The following NEDD4 variants were observed in gnomAD, a reference collection of about 807,000 sequenced individuals.
NEDD4 encodes the protein E3 ubiquitin-protein ligase NEDD4.
NEDD4 carries 99 observed loss-of-function variants against 144.9 expected under a neutral mutation model. That is an observed-to-expected ratio of 0.68 (90% CI 0.58 to 0.81). The LOEUF is 0.81. NEDD4 is among the 30% of genes least tolerant of loss of function. The probability of loss-of-function intolerance (pLI) is 0.00; values close to 1 mark genes in which losing one functional copy is unlikely to be tolerated. For missense variants in NEDD4, 985 were observed against 1,065.9 expected (o/e 0.92, Z 1.06); for synonymous variants, 318 against 350.6 (o/e 0.91, Z 1.04).
chr15:55,938,335 ACTGT>A (rs2036931740), intron 4 of NEDD4, among the ~76,000 whole-genome samples: 1 of 152,082 alleles, frequency 6.6e-6, no homozygotes, highest in Admixed American at 6.6e-5. Context: ...TTCCAGTGAG[ACTGT>A]CTGAAAACAA....
intron 1 of NEDD4, among the ~76,000 whole-genome samples, chr15:55,979,071 A>G (rs2037753540): frequency 6.6e-6 from 1 of 151,390 alleles, no homozygotes; most frequent in South Asian, 2.1e-4. Flanking sequence ...TTTTAAAAAT[A>G]TATATATATA....
In NEDD4 at chr15:55,907,535, A is replaced by C. The variant is rs564720052; in HGVS notation, c.291+17111T>G. ...TTCACATCCAGGAAGAATATTTGCCACTTATGGCAGGCACATATTCTATTT... is the reference window on the plus strand; with the variant it reads ...TTCACATCCAGGAAGAATATTTGCCCCTTATGGCAGGCACATATTCTATTT... On this transcript the variant is annotated intron_variant, in intron 5 of 28. Coordinates refer to ENST00000435532, the MANE Select transcript of NEDD4 (RefSeq NM_006154.4). Among the ~76,000 whole-genome samples, 4 of 152,346 alleles carry C rather than the reference A, an allele frequency of 2.6e-5. No homozygotes were observed. In the South Asian group the frequency reaches 8.3e-4, roughly 32 times the overall value.
At chr15:55,956,487 T>C (rs1420836306) in intron 2 of NEDD4, among the ~76,000 whole-genome samples, 1 of 152,216 alleles carries the variant, frequency 6.6e-6, no homozygotes, top group East Asian at 1.9e-4. Context: ...CAAGATTCAT[T>C]TCATTCTATA....
chr15:55,829,691 G>T lies in NEDD4; in HGVS notation c.*206C>A. 1 of 466,940 alleles carries T rather than the reference G, an allele frequency of 2.1e-6. No homozygotes were observed. Among genetic ancestry groups the T allele is most frequent in the East Asian group, 3.8e-5 (1 of 26,354 alleles). The allele number at this position is 466,940 out of a possible 1,614,324, so 28.9% of individuals were successfully genotyped here. On this transcript the variant is annotated 3_prime_UTR_variant, in exon 29 of 29. Transcript: ENST00000435532. ...AGGCACCTAACTCTAAAGACAGCAT[G>T]AAACAACTGTGTAAATGCAACACAT... is the stretch of plus-strand genomic sequence containing the variant.
At chr15:55,885,085 A>G (rs1174439367) in intron 5 of NEDD4, among the ~76,000 whole-genome samples, 3 of 152,228 alleles carry the variant, frequency 2.0e-5, no homozygotes, top group African/African-American at 7.2e-5. Flanking sequence ...ATGGAATTCC[A>G]GTACATCAGG....
At chr15:55,983,124 TA>T (rs1229441178) in intron 1 of NEDD4, among the ~76,000 whole-genome samples, 15 of 147,314 alleles carry the variant, frequency 1.0e-4, no homozygotes, top group South Asian at 2.1e-4. Flanking sequence ...CTCCATCTCT[TA>T]AAAAAAAAAA....
rs183358444 is a variant in NEDD4, at chr15:55,883,260, A to G, written c.292-9252T>C. 2.0e-5 allele frequency among the ~76,000 whole-genome samples: 3 copies of G among 152,290 alleles called. No individual in the cohort carries two copies. The East Asian group carries it at 5.8e-4, about 29-fold the overall frequency. On this transcript the variant is annotated intron_variant, in intron 5 of 28. Transcript: ENST00000435532. ...TGGTGGTAGTCTGGCAGTACTCCCC[A>G]TAGCCCTGTGGCAGGAGTGGCCACG...
chr15:55,977,516 T>G (rs1186588963), intron 1 of NEDD4, among the ~76,000 whole-genome samples: 2 of 151,880 alleles, frequency 1.3e-5, no homozygotes, highest in African/African-American at 4.8e-5. Flanking sequence ...ATTCTAAAAA[T>G]CCATATGGTA....
In NEDD4 at chr15:55,841,812, C is replaced by T. The variant is rs899884104; in HGVS notation, c.1838+122G>A. The T allele has an allele frequency of 2.0e-5, 15 of 734,330 alleles. 1 individual carries two copies. In the Admixed American group the frequency reaches 2.3e-4, roughly 11 times the overall value. 45.5% of individuals were successfully genotyped at this position (734,330 alleles called of 1,614,324 possible). ...GGTCTCGATATCCTGACCTTGTGATCCGCCCGCCTCGGCCTCCCAAAGTGC... is the reference window on the plus strand; with the variant it reads ...GGTCTCGATATCCTGACCTTGTGATTCGCCCGCCTCGGCCTCCCAAAGTGC... On this transcript the variant is annotated intron_variant, in intron 19 of 28. Transcript: ENST00000435532.
chr15:55,959,924 A>ATAATTATGTT (rs2037398659), intron 2 of NEDD4, among the ~76,000 whole-genome samples: 1 of 152,222 alleles, frequency 6.6e-6, no homozygotes, highest in Non-Finnish European at 1.5e-5. Context: ...ATGTTGCCTC[A>ATAATTATGTT]GCATCCATAA....
At chr15:55,883,692 C>CACAA (rs202007394) in intron 5 of NEDD4, among the ~76,000 whole-genome samples, 318 of 53,214 alleles carry the variant, frequency 6.0e-3, no homozygotes, top group African/African-American at 0.022. Context: ...CACACACACA[C>CACAA]ACAAACACAC....
intron 2 of NEDD4, among the ~76,000 whole-genome samples, chr15:55,963,506 T>A (rs536250411): frequency 6.6e-6 from 1 of 152,216 alleles, no homozygotes; most frequent in Admixed American, 6.5e-5. Context: ...ATTCAACTTA[T>A]ACTTAGTATT....
intron 5 of NEDD4, chr15:55,915,727 A>C: frequency 6.2e-7 from 1 of 1,613,986 alleles, no homozygotes; most frequent in South Asian, 1.1e-5. Flanking sequence ...CCTTCAGATG[A>C]CTTTTCACAG....
At chr15:55,937,075 G>A (rs1256185955) in intron 4 of NEDD4, among the ~76,000 whole-genome samples, 1 of 152,154 alleles carries the variant, frequency 6.6e-6, no homozygotes, top group Non-Finnish European at 1.5e-5. Context: ...AAACAGGCAT[G>A]AGCCACCGTG....
At chr15:55,830,304 G>C (rs1485070511) in intron 28 of NEDD4, among the ~76,000 whole-genome samples, 13 of 152,194 alleles carry the variant, frequency 8.5e-5, no homozygotes, top group African/African-American at 3.1e-4. Context: ...GTTTAGGTGG[G>C]TCTCTCTGAT....
At chr15:55,938,561 T>A (rs2142267895) in intron 4 of NEDD4, among the ~76,000 whole-genome samples, 1 of 152,258 alleles carries the variant, frequency 6.6e-6, no homozygotes, top group Non-Finnish European at 1.5e-5. Flanking sequence ...TGACAATGAT[T>A]TTTTGGGTGA....
intron 5 of NEDD4, among the ~76,000 whole-genome samples, chr15:55,923,659 A>AATATATATAT (rs1555404567): frequency 5.5e-4 from 75 of 135,278 alleles, no homozygotes; most frequent in African/African-American, 1.9e-3. Context: ...AAAAAAAAAA[A>AATATATATAT]ATATATATAT....
chr15:55,889,217 G>C (rs1414543953), intron 5 of NEDD4, among the ~76,000 whole-genome samples: 3 of 152,130 alleles, frequency 2.0e-5, no homozygotes, highest in African/African-American at 4.8e-5. Context: ...CTCACTACTA[G>C]GTATATGCCC....
intron 4 of NEDD4, among the ~76,000 whole-genome samples, chr15:55,932,362 C>A (rs1361820245): frequency 6.6e-6 from 1 of 152,084 alleles, no homozygotes; most frequent in African/African-American, 2.4e-5. Flanking sequence ...GGAAATAATA[C>A]CACACATCTA....
Sources: gnomAD v4.1 joint callset for allele counts (sites outside exome capture counted in the v4.1 genomes callset) on GRCh38, gnomAD v4.1.1 for gene constraint, MANE v1.5 for transcripts, NCBI Gene and HGNC (gene_info 2026-07-23, HGNC 2026-07-21) for gene names.